LRMDA: variants seen among roughly 807,000 people sequenced by gnomAD.
LRMDA encodes leucine-rich melanocyte differentiation-associated protein.
In LRMDA, 18 loss-of-function variants were observed where a neutral mutation model predicts 29.8. That is an observed-to-expected ratio of 0.60 (90% CI 0.42 to 0.90). The LOEUF (loss-of-function observed/expected upper bound fraction) is 0.90, where lower values mean the gene tolerates loss of function less well. Ranked by LOEUF, LRMDA falls within the 40% of genes least tolerant of loss-of-function variation. The pLI is 0.00. For missense variants in LRMDA, 273 were observed against 273.9 expected, an observed-to-expected ratio of 1.00 and a Z score of 0.02; for synonymous variants, 125 against 109.4, an observed-to-expected ratio of 1.14 and a Z score of -0.89.
intron 5 of LRMDA, among the ~76,000 whole-genome samples, chr10:76,264,446 A>C (rs1839981648): frequency 1.6e-5 from 2 of 124,482 alleles, no homozygotes; most frequent in Non-Finnish European, 3.3e-5. Context: ...AAAAAAAAAA[A>C]AAAAAAAAAA....
chr10:75,440,542 T>A lies in LRMDA; in HGVS notation c.131+2048T>A, dbSNP rs1038320539. On this transcript the variant is annotated intron_variant, in intron 2 of 6. Transcript: ENST00000611255. ...AGAATGGAGAAAAGCACTCCTGACT[T>A]GAGTTGGGTGTGCTTGGGACTGGAT... 1.3e-4 allele frequency among the ~76,000 whole-genome samples: 20 copies of A among 152,106 alleles called. No individual in the cohort carries two copies. The Middle Eastern group carries it at 0.01, about 78-fold the overall frequency.
chr10:76,131,851 G>A (rs1308809455), intron 5 of LRMDA, among the ~76,000 whole-genome samples: 2 of 152,132 alleles, frequency 1.3e-5, no homozygotes, highest in South Asian at 2.1e-4. Context: ...GGATCTATAC[G>A]ACAAACAGCT....
chr10:76,339,216 A>T (rs1232030927), intron 6 of LRMDA, among the ~76,000 whole-genome samples: 2 of 151,932 alleles, frequency 1.3e-5, no homozygotes, highest in East Asian at 3.9e-4. Context: ...ACTGACCATA[A>T]CTAAGTCAAA....
At chr10:76,036,200 C>A in intron 3 of LRMDA, 66 bp downstream of exon 3, 2 of 1,458,114 alleles carry the variant, frequency 1.4e-6, no homozygotes, top group Non-Finnish European at 1.9e-6. Flanking sequence ...CCAACCCCAC[C>A]CTGCACAAAT....
intron 2 of LRMDA, among the ~76,000 whole-genome samples, chr10:76,009,707 C>A (rs1847739813): frequency 6.6e-6 from 1 of 152,190 alleles, no homozygotes. Flanking sequence ...CTCGGCCAGA[C>A]TGGTTGCTAT....
intron 5 of LRMDA, among the ~76,000 whole-genome samples, chr10:76,241,123 G>A (rs569245100): frequency 8.2e-4 from 125 of 152,110 alleles, no homozygotes; most frequent in Admixed American, 2.1e-3. Context: ...AAGGTGGGTG[G>A]GTGGTGAGGG....
chr10:75,634,314 C>A (rs975494546), intron 2 of LRMDA, among the ~76,000 whole-genome samples: 2 of 152,172 alleles, frequency 1.3e-5, no homozygotes, highest in Non-Finnish European at 2.9e-5. Flanking sequence ...TGTGATGAAT[C>A]TGACCATTAA....
At chr10:75,455,737 A>G (rs1376049236) in intron 2 of LRMDA, among the ~76,000 whole-genome samples, 2 of 152,222 alleles carry the variant, frequency 1.3e-5, no homozygotes, top group African/African-American at 2.4e-5. Flanking sequence ...CCAGGAGTAT[A>G]ATAGAGGTTC....
chr10:75,868,577 A>C (rs1227739904), intron 2 of LRMDA, among the ~76,000 whole-genome samples: 1 of 152,226 alleles, frequency 6.6e-6, no homozygotes, highest in Non-Finnish European at 1.5e-5. Context: ...TATTTCAGCT[A>C]CAAAAACAGA....
chr10:75,629,591 G>A (rs1841297637), intron 2 of LRMDA, among the ~76,000 whole-genome samples: 1 of 144,998 alleles, frequency 6.9e-6, no homozygotes, highest in Non-Finnish European at 1.5e-5. Context: ...ATGTCTGAGT[G>A]TAATTAAATG....
chr10:75,603,919 G>C (rs2132093274), intron 2 of LRMDA, among the ~76,000 whole-genome samples: 1 of 152,278 alleles, frequency 6.6e-6, no homozygotes, highest in Middle Eastern at 3.4e-3. Context: ...ATACCTATCA[G>C]CTGAGCTCTT....
At chr10:75,845,939 A>G (rs1340195476) in intron 2 of LRMDA, among the ~76,000 whole-genome samples, 1 of 152,142 alleles carries the variant, frequency 6.6e-6, no homozygotes, top group Non-Finnish European at 1.5e-5. Context: ...TCCTTTAGCA[A>G]TTTGGAGTAT....
At chr10:76,002,503 CT>C (rs150760335) in intron 2 of LRMDA, among the ~76,000 whole-genome samples, 22,524 of 152,148 alleles carry the variant, frequency 0.15, 2,022 homozygotes, top group Admixed American at 0.23. Flanking sequence ...GTTCCTACAT[CT>C]GTAAAATGGG....
intron 2 of LRMDA, among the ~76,000 whole-genome samples, chr10:75,584,967 AAAAT>A (rs1170366372): frequency 6.6e-6 from 1 of 152,234 alleles, no homozygotes; most frequent in African/African-American, 2.4e-5. Flanking sequence ...TAAATGTTTT[AAAAT>A]AAATGTTTTT....
Position 76,241,712 on chromosome 10 carries a change from G to T in LRMDA, c.517-82689G>T, listed in dbSNP as rs553217115. 5.9e-5 allele frequency among the ~76,000 whole-genome samples: 9 copies of T among 152,216 alleles called. No homozygotes were observed. In the South Asian group the frequency reaches 1.9e-3, roughly 32 times the overall value. ...CTTGGGCTCCAGCAGTACAATTGGG[G>T]AATGCCCTGGTGAATAACACTGCCT... On this transcript the variant is annotated intron_variant, in intron 5 of 6. Coordinates refer to ENST00000611255, the MANE Select transcript of LRMDA (RefSeq NM_001305581.2).
At chr10:75,793,462 A>G (rs1161370573) in intron 2 of LRMDA, among the ~76,000 whole-genome samples, 4 of 152,192 alleles carry the variant, frequency 2.6e-5, no homozygotes, top group African/African-American at 9.7e-5. Context: ...TGTTTGTTGG[A>G]AATGAACACC....
chr10:76,529,750 A>G (rs967897390), intron 6 of LRMDA, among the ~76,000 whole-genome samples: 2 of 152,262 alleles, frequency 1.3e-5, no homozygotes, highest in East Asian at 3.9e-4. Flanking sequence ...TAGGGAGACT[A>G]TAGCTCTTTT....
At chr10:76,181,809 T>C (rs969748382) in intron 5 of LRMDA, among the ~76,000 whole-genome samples, 3 of 152,248 alleles carry the variant, frequency 2.0e-5, no homozygotes, top group African/African-American at 7.2e-5. Flanking sequence ...TGGAGGCCTT[T>C]GGGACTAAAT....
intron 6 of LRMDA, among the ~76,000 whole-genome samples, chr10:76,359,682 T>C (rs933409913): frequency 3.3e-4 from 50 of 152,224 alleles, no homozygotes; most frequent in African/African-American, 9.4e-4. Context: ...GACCTTGGAC[T>C]GACCACTTTC....
Sources: allele counts gnomAD v4.1 joint callset (sites outside exome capture counted in the v4.1 genomes callset), GRCh38; gene constraint gnomAD v4.1.1; transcripts MANE v1.5; gene names NCBI Gene and HGNC (gene_info 2026-07-23, HGNC 2026-07-21).